The following SPSB4 variants were observed in gnomAD, a reference collection of about 807,000 sequenced individuals.
The protein encoded by SPSB4 is splA/ryanodine receptor domain and SOCS box containing 4.
SPSB4 carries 21 observed loss-of-function variants against 20.9 expected under a neutral mutation model. The ratio of observed to expected loss-of-function variants is 1.01; its 90% CI spans 0.71 to 1.45. The LOEUF is 1.45. Among genes scored for constraint, SPSB4 ranks in the 40% most tolerant of loss-of-function variants. The pLI is 0.00. For missense variants in SPSB4, 399 were observed against 399.2 expected (o/e 1.00, Z 0.00); for synonymous variants, 207 against 183.8 (o/e 1.13, Z -1.02).
chr3:141,121,804 G>A (rs540975814), intron 2 of SPSB4, among the ~76,000 whole-genome samples: 1 of 152,266 alleles, frequency 6.6e-6, no homozygotes, highest in Admixed American at 6.5e-5. Context: ...ATTCTAGTTA[G>A]CCATTTGTCT....
At position 141,099,111 on chromosome 3, in the gene SPSB4, A is replaced by G. The variant is rs562299442; in HGVS notation, c.694+32313A>G. On this transcript the variant is annotated intron_variant, in intron 2 of 2. Transcript: ENST00000310546. ...CCTCTTAAAGGTCCCATCTCTTAAT[A>G]CTGTTACAATGGCAATTAAATATCG... Among the ~76,000 whole-genome samples, 12 of 130,272 alleles carry G rather than the reference A, an allele frequency of 9.2e-5. No homozygotes were observed. In the East Asian group the frequency reaches 2.8e-3, roughly 31 times the overall value. The allele number at this position is 130,272 out of a possible 152,430, so 85.5% of individuals were successfully genotyped here.
intron 1 of SPSB4, among the ~76,000 whole-genome samples, chr3:141,063,628 C>T (rs139322699): frequency 7.9e-4 from 120 of 152,312 alleles, no homozygotes; most frequent in African/African-American, 2.8e-3. Flanking sequence ...ATTTGGTTCC[C>T]ATTTTTATCT....
intron 2 of SPSB4, among the ~76,000 whole-genome samples, chr3:141,140,366 G>C (rs536580804): frequency 6.6e-6 from 1 of 152,140 alleles, no homozygotes; most frequent in African/African-American, 2.4e-5. Context: ...GCTTTGTTCC[G>C]TTGCTGGTGA....
At chr3:141,100,989 T>C (rs376718899) in intron 2 of SPSB4, among the ~76,000 whole-genome samples, 1 of 152,088 alleles carries the variant, frequency 6.6e-6, no homozygotes, top group South Asian at 2.1e-4. Flanking sequence ...GTAGCGGGGA[T>C]GCATGATGGC....
At chr3:141,134,049 C>CTTTTTTTTTTTTTTTTTTTTTTTTTTT (rs1939184001) in intron 2 of SPSB4, among the ~76,000 whole-genome samples, 3 of 63,896 alleles carry the variant, frequency 4.7e-5, no homozygotes, top group Non-Finnish European at 5.9e-5. Context: ...TTTTTTTTTT[C>CTTTTTTTTTTTTTTTTTTTTTTTTTTT]TTTTTTCTTT....
chr3:141,127,250 A>G lies in SPSB4; in HGVS notation c.695-19892A>G, dbSNP rs115250737. Among the ~76,000 whole-genome samples, 977 of 152,386 alleles carry G rather than the reference A, an allele frequency of 6.4e-3. 11 individuals are homozygous for G. Among genetic ancestry groups the G allele is most frequent in the African/African-American group, 0.02 (850 of 41,590 alleles). ...CTGCTGAACTGTTGGCCAGGAAGGC[A>G]GAGACCTGTGGAAGGAAGGCCACCA... On this transcript the variant is annotated intron_variant, in intron 2 of 2. Transcript: ENST00000310546.
intron 2 of SPSB4, among the ~76,000 whole-genome samples, chr3:141,088,762 T>G (rs2107790340): frequency 6.6e-6 from 1 of 152,236 alleles, no homozygotes; most frequent in East Asian, 1.9e-4. Flanking sequence ...ATGCAGCTCA[T>G]TCACACATTC....
At chr3:141,061,102 C>G (rs928972993) in intron 1 of SPSB4, among the ~76,000 whole-genome samples, 1 of 151,948 alleles carries the variant, frequency 6.6e-6, no homozygotes, top group Admixed American at 6.6e-5. Flanking sequence ...GTCTTCTCCC[C>G]CATTAAATGA....
intron 2 of SPSB4, among the ~76,000 whole-genome samples, chr3:141,095,078 G>A (rs979905540): frequency 5.3e-5 from 8 of 152,152 alleles, no homozygotes; most frequent in African/African-American, 1.4e-4. Flanking sequence ...CAAACGGGGC[G>A]TGTCTCGTCG....
At chr3:141,085,272 G>C (rs1341805199) in intron 2 of SPSB4, among the ~76,000 whole-genome samples, 1 of 152,192 alleles carries the variant, frequency 6.6e-6, no homozygotes, top group East Asian at 1.9e-4. Flanking sequence ...AGATCTGCTT[G>C]TTTGCAACCA....
intron 2 of SPSB4, among the ~76,000 whole-genome samples, chr3:141,136,820 T>C (rs1252661185): frequency 6.6e-6 from 1 of 152,176 alleles, no homozygotes; most frequent in African/African-American, 2.4e-5. Context: ...CTTGGCGATG[T>C]GGGCTCTTTT....
chr3:141,148,137 T>TG lies in SPSB4; in HGVS notation c.*874dup, dbSNP rs1362888380. On this transcript the variant is annotated 3_prime_UTR_variant, in exon 3 of 3. Coordinates refer to ENST00000310546, the MANE Select transcript of SPSB4 (RefSeq NM_080862.3). The surrounding 1 kb of genome is among the most constrained non-coding windows in gnomAD (Gnocchi z 4.5). ...CACCCAAGTCTGATGTGTCCTGGGT[T>TG]GGGGGGCCTTCCTGGAGTGTCAGGG... The TG allele has an allele frequency of 2.0e-5, 3 of 152,708 alleles. No individual in the cohort carries two copies. The highest frequency in any genetic ancestry group is 1.3e-4 in the Admixed American group (2 of 15,298). The allele number at this position is 152,708 out of a possible 1,614,324, so 9.5% of individuals were successfully genotyped here.
At chr3:141,111,886 C>T (rs1217522513) in intron 2 of SPSB4, among the ~76,000 whole-genome samples, 2 of 152,154 alleles carry the variant, frequency 1.3e-5, no homozygotes, top group Non-Finnish European at 1.5e-5. Context: ...AAAACCTGTT[C>T]CTCAGAAGAC....
At chr3:141,068,910 G>T (rs572906652) in intron 2 of SPSB4, among the ~76,000 whole-genome samples, 1 of 152,340 alleles carries the variant, frequency 6.6e-6, no homozygotes, top group African/African-American at 2.4e-5. Flanking sequence ...GGTGAGGAAA[G>T]GCAGTTATGT....
chr3:141,083,816 C>G (rs1433469185), intron 2 of SPSB4, among the ~76,000 whole-genome samples: 1 of 151,960 alleles, frequency 6.6e-6, no homozygotes, highest in Admixed American at 6.6e-5. Flanking sequence ...TAAGGCATGG[C>G]CCCTTCTTAG....
chr3:141,127,913 G>A (rs573596507), intron 2 of SPSB4, among the ~76,000 whole-genome samples: 1 of 152,298 alleles, frequency 6.6e-6, no homozygotes, highest in South Asian at 2.1e-4. Flanking sequence ...TTTGTTCCCA[G>A]TTCATTTCCT....
In SPSB4 at chr3:141,147,840, A is replaced by G. The variant is rs899945415; in HGVS notation, c.*571A>G. ...AGGAGGCCCAACCGCAGACCTGGCA[A>G]GTGGACAGTGCAGTGTGGAGACACC... On this transcript the variant is annotated 3_prime_UTR_variant, in exon 3 of 3. Transcript: ENST00000310546. 1 of 156,138 alleles carries G rather than the reference A, an allele frequency of 6.4e-6. No individual in the cohort carries two copies. Among genetic ancestry groups the G allele is most frequent in the East Asian group, 1.9e-4 (1 of 5,304 alleles). 9.7% of individuals were successfully genotyped at this position (156,138 alleles called of 1,614,324 possible).
At chr3:141,063,810 G>A (rs1937812849) in intron 1 of SPSB4, among the ~76,000 whole-genome samples, 1 of 152,240 alleles carries the variant, frequency 6.6e-6, no homozygotes, top group African/African-American at 2.4e-5. Flanking sequence ...TGTGGAGGAG[G>A]TACCAAGAAG....
At chr3:141,079,550 G>A (rs1938187033) in intron 2 of SPSB4, among the ~76,000 whole-genome samples, 2 of 152,246 alleles carry the variant, frequency 1.3e-5, no homozygotes, top group Admixed American at 6.5e-5. Context: ...CGTGGGGAGG[G>A]CAGTGACACC....
Sources: gnomAD v4.1 joint callset for allele counts (sites outside exome capture counted in the v4.1 genomes callset) on GRCh38, gnomAD v4.1.1 for gene constraint, Gnocchi (gnomAD v3.1) non-coding constraint, MANE v1.5 for transcripts, NCBI Gene and HGNC (gene_info 2026-07-23, HGNC 2026-07-21) for gene names.